Variants in ZBTB20 observed in about 807,000 individuals in gnomAD.
The protein encoded by ZBTB20 is zinc finger and BTB domain-containing protein 20.
In ZBTB20, 9 loss-of-function variants were observed where a neutral mutation model predicts 56.9. The ratio of observed to expected loss-of-function variants is 0.16; its 90% CI spans 0.10 to 0.28. The LOEUF (loss-of-function observed/expected upper bound fraction) is 0.28, where lower values mean the gene tolerates loss of function less well. ZBTB20 is among the 10% of genes least tolerant of loss of function. The probability of loss-of-function intolerance (pLI) is 1.00; values close to 1 mark genes in which losing one functional copy is unlikely to be tolerated. For missense variants in ZBTB20, 655 were observed against 1,003.0 expected (o/e 0.65, Z 4.69); for synonymous variants, 417 against 420.7 (o/e 0.99, Z 0.11).
Position 114,333,241 on chromosome 3 carries a change from GA to G in ZBTB20, c.*5763del, listed in dbSNP as rs1198935345. ...CCTTTTTTCTTGTAAAGGTTTAAGT[GA>G]TATCAGAAATAGCAACTCTACACGG... On this transcript the variant is annotated 3_prime_UTR_variant, in exon 12 of 12. Transcript: ENST00000675478. 1 of 152,156 alleles carries G rather than the reference GA, an allele frequency of 6.6e-6. No homozygotes were observed. Among genetic ancestry groups the G allele is most frequent in the Non-Finnish European group, 1.5e-5 (1 of 68,026 alleles). 9.4% of individuals were successfully genotyped at this position (152,156 alleles called of 1,614,324 possible).
At chr3:114,477,659 C>T (rs904391760) in intron 7 of ZBTB20, among the ~76,000 whole-genome samples, 12 of 151,852 alleles carry the variant, frequency 7.9e-5, no homozygotes, top group African/African-American at 2.9e-4. Flanking sequence ...CCACGCCTGG[C>T]TAATTTTGTA....
intron 7 of ZBTB20, among the ~76,000 whole-genome samples, chr3:114,442,528 A>G (rs2090999237): frequency 6.6e-6 from 1 of 152,166 alleles, no homozygotes; most frequent in Non-Finnish European, 1.5e-5. Context: ...TCTTGATGCC[A>G]ACACCATTAC....
At chr3:115,108,456 G>T (rs980305729) in intron 1 of ZBTB20, among the ~76,000 whole-genome samples, 1 of 152,144 alleles carries the variant, frequency 6.6e-6, no homozygotes, top group African/African-American at 2.4e-5. Context: ...TGAGAGGGAG[G>T]AAGAAGAGGA....
chr3:114,900,120 C>T (rs991589576), intron 4 of ZBTB20, among the ~76,000 whole-genome samples, 184 bp downstream of exon 4: 1 of 151,900 alleles, frequency 6.6e-6, no homozygotes, highest in Non-Finnish European at 1.5e-5. Context: ...TTGATTCTTA[C>T]AATAGAATAA....
intron 4 of ZBTB20, among the ~76,000 whole-genome samples, chr3:114,824,072 C>T (rs1405840157): frequency 1.3e-5 from 2 of 151,912 alleles, no homozygotes; most frequent in Non-Finnish European, 2.9e-5. Flanking sequence ...AATAGGGTAG[C>T]TAGGAAACGC....
intron 5 of ZBTB20, among the ~76,000 whole-genome samples, chr3:114,794,415 A>C (rs2071197851): frequency 6.6e-6 from 1 of 152,086 alleles, no homozygotes; most frequent in Non-Finnish European, 1.5e-5. Context: ...GTGGTAATTT[A>C]GCTCCTGAGT....
At chr3:114,558,714 C>T (rs551228320) in intron 6 of ZBTB20, among the ~76,000 whole-genome samples, 1 of 152,218 alleles carries the variant, frequency 6.6e-6, no homozygotes, top group African/African-American at 2.4e-5. Flanking sequence ...GATTCTACTA[C>T]AAAAATCACC....
At chr3:114,749,068 A>G (rs1394848273) in intron 5 of ZBTB20, among the ~76,000 whole-genome samples, 1 of 152,230 alleles carries the variant, frequency 6.6e-6, no homozygotes, top group Non-Finnish European at 1.5e-5. Flanking sequence ...TGCCTAGTAC[A>G]TAAGCCACAC....
chr3:114,987,079 AATTAT>A (rs1469554981), intron 2 of ZBTB20, among the ~76,000 whole-genome samples: 1 of 152,162 alleles, frequency 6.6e-6, no homozygotes, highest in Non-Finnish European at 1.5e-5. Context: ...TTTACCATTA[AATTAT>A]ATCAGCATGT....
chr3:114,736,617 A>G (rs529901644), intron 5 of ZBTB20, among the ~76,000 whole-genome samples: 73 of 152,294 alleles, frequency 4.8e-4, no homozygotes, highest in Middle Eastern at 3.4e-3. Flanking sequence ...AGGACTAAAC[A>G]TAAGAGAATT....
At chr3:114,614,787 G>T (rs113511682) in intron 6 of ZBTB20, among the ~76,000 whole-genome samples, 30,299 of 151,864 alleles carry the variant, frequency 0.2, 5,724 homozygotes, top group African/African-American at 0.5. Context: ...AGTCTTGCTC[G>T]GTCGCCCAGG....
At chr3:115,079,188 T>C (rs1490409161) in intron 1 of ZBTB20, among the ~76,000 whole-genome samples, 2 of 152,154 alleles carry the variant, frequency 1.3e-5, no homozygotes, top group African/African-American at 4.8e-5. Flanking sequence ...CAATAACAAG[T>C]GCTAGAATCA....
rs150689384 is a variant in ZBTB20, at chr3:115,001,518, C to T, written c.-506-27102G>A. Among the ~76,000 whole-genome samples the T allele has an allele frequency of 1.0e-3, 148 of 147,990 alleles. 2 individuals carry two copies. The highest frequency in any genetic ancestry group is 7.7e-3 in the Admixed American group (116 of 15,020). On this transcript the variant is annotated intron_variant, in intron 2 of 11. Coordinates refer to ENST00000675478, the MANE Select transcript of ZBTB20 (RefSeq NM_001348800.3). ...AGCAAAGAGCAATTTAATATACATA[C>T]ACAAGTTTAGGGATTTTTTTTTTAA...
At chr3:114,855,668 G>A (rs2075218328) in intron 4 of ZBTB20, among the ~76,000 whole-genome samples, 1 of 152,088 alleles carries the variant, frequency 6.6e-6, no homozygotes. Context: ...TATTTAAAAA[G>A]GAAAGCTACT....
intron 7 of ZBTB20, among the ~76,000 whole-genome samples, chr3:114,480,972 C>G (rs1391187980): frequency 6.6e-6 from 1 of 151,798 alleles, no homozygotes; most frequent in Admixed American, 6.6e-5. Flanking sequence ...TTCTAGCATA[C>G]TAATAGATGA....
At chr3:114,349,199 C>CA (rs35387890) in intron 11 of ZBTB20, among the ~76,000 whole-genome samples, 13 of 116,364 alleles carry the variant, frequency 1.1e-4, no homozygotes, top group South Asian at 3.1e-4. Context: ...GACCCTGTCT[C>CA]AAAAAAAAAA....
intron 7 of ZBTB20, among the ~76,000 whole-genome samples, chr3:114,446,801 C>T (rs925242152): frequency 6.6e-6 from 1 of 152,124 alleles, no homozygotes; most frequent in African/African-American, 2.4e-5. Context: ...AACTCAGACA[C>T]GTGGTATGCA....
intron 6 of ZBTB20, among the ~76,000 whole-genome samples, chr3:114,585,717 G>A (rs1344289468): frequency 6.6e-6 from 1 of 152,176 alleles, no homozygotes; most frequent in Non-Finnish European, 1.5e-5. Flanking sequence ...CCAGTGCTCT[G>A]CTCTGTTAGG....
At position 114,351,849 on chromosome 3, in the gene ZBTB20, G is replaced by C. The variant is rs768492168; in HGVS notation, c.229C>G (p.Arg77Gly). The C allele has an allele frequency of 2.5e-6, 4 of 1,599,028 alleles. No homozygotes were observed. The highest frequency in any genetic ancestry group is 8.6e-7 in the Non-Finnish European group (1 of 1,168,246). ...CDISCKGMTE[R>G]IHSINLHNFS... ...TTGTGAAGGTTGATGCTGTGAATGCGCTCGGTCATCCCCTTGCAACTGATG... is the reference window on the plus strand; with the variant it reads ...TTGTGAAGGTTGATGCTGTGAATGCCCTCGGTCATCCCCTTGCAACTGATG... The change falls in exon 11 of 12, where the codon CGC (arginine) becomes GGC (glycine). Residue 77 changes from arginine (R) to glycine (G), a missense_variant. Coordinates refer to ENST00000675478, the MANE Select transcript of ZBTB20 (RefSeq NM_001348800.3).
Sources: gnomAD v4.1 joint callset for allele counts (sites outside exome capture counted in the v4.1 genomes callset) on GRCh38, gnomAD v4.1.1 for gene constraint, MANE v1.5 for transcripts, NCBI Gene and HGNC (gene_info 2026-07-23, HGNC 2026-07-21) for gene names.